Variants in SIRT5 observed in about 807,000 individuals in gnomAD.
The protein encoded by SIRT5 is NAD-dependent protein deacylase sirtuin-5, mitochondrial.
A neutral mutation model predicts 40.0 loss-of-function variants in SIRT5; 26 were observed. The ratio of observed to expected loss-of-function variants is 0.65; its 90% CI spans 0.48 to 0.90. The LOEUF (loss-of-function observed/expected upper bound fraction) is 0.90, where lower values mean the gene tolerates loss of function less well. Ranked by LOEUF, SIRT5 falls within the 40% of genes least tolerant of loss-of-function variation. SIRT5 has a pLI of 0.00. For missense variants in SIRT5, 401 were observed against 402.4 expected (o/e 1.00, Z 0.03); for synonymous variants, 146 against 149.1 (o/e 0.98, Z 0.15).
chr6:13,611,232 TATATAC>T (rs1217786417), intron 9 of SIRT5, among the ~76,000 whole-genome samples: 103 of 132,062 alleles, frequency 7.8e-4, no homozygotes, highest in African/African-American at 2.5e-3. Context: ...TATATATATA[TATATAC>T]ACACACACAT....
intron 4 of SIRT5, among the ~76,000 whole-genome samples, chr6:13,590,630 ATTG>A (rs779676276): frequency 2.7e-4 from 41 of 150,636 alleles, no homozygotes; most frequent in Non-Finnish European, 5.9e-4. Flanking sequence ...ATGTTGTGTA[ATTG>A]TGTATGTTTA....
intron 1 of SIRT5, among the ~76,000 whole-genome samples, chr6:13,575,790 C>T (rs1758551301): frequency 6.6e-6 from 1 of 152,136 alleles, no homozygotes; most frequent in African/African-American, 2.4e-5. Context: ...ATCCTTTGAC[C>T]AACATCCCTC....
chr6:13,594,519 C>G (rs1761332338), intron 5 of SIRT5, among the ~76,000 whole-genome samples: 1 of 152,222 alleles, frequency 6.6e-6, no homozygotes, highest in Non-Finnish European at 1.5e-5. Context: ...ACGGCTCCAG[C>G]TCAGCCACCT....
intron 9 of SIRT5, among the ~76,000 whole-genome samples, chr6:13,601,367 C>T (rs559059522): frequency 1.2e-4 from 19 of 152,274 alleles, no homozygotes; most frequent in African/African-American, 3.9e-4. Context: ...TTGGTCTAAT[C>T]GCCAAGGTTA....
At chr6:13,596,437 C>T (rs991207057) in intron 6 of SIRT5, among the ~76,000 whole-genome samples, 6 of 152,004 alleles carry the variant, frequency 3.9e-5, no homozygotes, top group Non-Finnish European at 7.4e-5. Flanking sequence ...CACACCCAGC[C>T]ACTCCAGCCC....
intron 5 of SIRT5, among the ~76,000 whole-genome samples, chr6:13,593,670 T>G (rs1026668920): frequency 3.3e-5 from 5 of 152,192 alleles, no homozygotes; most frequent in African/African-American, 1.2e-4. Flanking sequence ...TTAAGATGCA[T>G]CATGTTTTTA....
At chr6:13,611,207 G>GTATATATATA (rs1172335284) in intron 9 of SIRT5, among the ~76,000 whole-genome samples, 53 of 93,574 alleles carry the variant, frequency 5.7e-4, no homozygotes, top group African/African-American at 8.9e-4. Context: ...GTGTGTGTGT[G>GTATATATATA]TATATATATA....
chr6:13,589,845 G>C (rs946596072), intron 4 of SIRT5, among the ~76,000 whole-genome samples: 1 of 152,186 alleles, frequency 6.6e-6, no homozygotes, highest in Non-Finnish European at 1.5e-5. Flanking sequence ...AGTTGCGTCC[G>C]AAAAGGCTCA....
In SIRT5 at chr6:13,613,104, G is replaced by C. The variant is rs780070411; in HGVS notation, c.*1239G>C. On this transcript the variant is annotated 3_prime_UTR_variant, in exon 10 of 10. Coordinates refer to ENST00000606117, the MANE Select transcript of SIRT5 (RefSeq NM_012241.5). ...CCTTACAGGGTGGTCCAGTGGCCGC[G>C]GGCTGGACAGAACTGCAACCACTTA... The C allele has an allele frequency of 3.3e-5, 5 of 152,194 alleles. No individual in the cohort carries two copies. Among genetic ancestry groups the C allele is most frequent in the African/African-American group, 1.2e-4 (5 of 41,418 alleles). The allele number at this position is 152,194 out of a possible 1,614,324, so 9.4% of individuals were successfully genotyped here.
At chr6:13,591,130 TTG>T (rs1251993649) in intron 4 of SIRT5, among the ~76,000 whole-genome samples, 1 of 151,264 alleles carries the variant, frequency 6.6e-6, no homozygotes, top group Admixed American at 6.6e-5. Flanking sequence ...GTATATTGAG[TTG>T]TGTGTGTTTA....
At chr6:13,606,055 G>GT (rs1302010148) in intron 9 of SIRT5, among the ~76,000 whole-genome samples, 1 of 152,254 alleles carries the variant, frequency 6.6e-6, no homozygotes, top group East Asian at 1.9e-4. Flanking sequence ...TATTCTAGTG[G>GT]TTGAGGCAGA....
chr6:13,602,067 A>C (rs1169516051), intron 9 of SIRT5, among the ~76,000 whole-genome samples: 1 of 152,206 alleles, frequency 6.6e-6, no homozygotes, highest in Admixed American at 6.5e-5. Flanking sequence ...TGAAAACTAC[A>C]GAACATTATT....
chr6:13,587,337 G>T (rs532493606), intron 3 of SIRT5, among the ~76,000 whole-genome samples: 1 of 152,210 alleles, frequency 6.6e-6, no homozygotes, highest in East Asian at 1.9e-4. Context: ...ACAAGGGCCT[G>T]CAGAGCTGCG....
At chr6:13,597,935 G>GA (rs1229126069) in intron 7 of SIRT5, among the ~76,000 whole-genome samples, 1 of 152,028 alleles carries the variant, frequency 6.6e-6, no homozygotes, top group Non-Finnish European at 1.5e-5. Flanking sequence ...GACATTACTT[G>GA]AAAAAAACAT....
chr6:13,602,277 C>A (rs1045706795), intron 9 of SIRT5, among the ~76,000 whole-genome samples: 1 of 152,088 alleles, frequency 6.6e-6, no homozygotes, highest in African/African-American at 2.4e-5. Context: ...ATGCAAGGGA[C>A]CCAAAATAGC....
chr6:13,612,809 C>T lies in SIRT5; in HGVS notation c.*944C>T, dbSNP rs564281937. ...GGACCCCCAGGATAAACACAGCTGCCCAAAATTTAGCTCTGGCCCCCTTAG... is the reference window on the plus strand; with the variant it reads ...GGACCCCCAGGATAAACACAGCTGCTCAAAATTTAGCTCTGGCCCCCTTAG... On this transcript the variant is annotated 3_prime_UTR_variant, in exon 10 of 10. Transcript: ENST00000606117. 1 of 152,298 alleles carries T rather than the reference C, an allele frequency of 6.6e-6. No individual in the cohort carries two copies. The highest frequency in any genetic ancestry group is 1.5e-5 in the Non-Finnish European group (1 of 68,048). The allele number at this position is 152,298 out of a possible 1,614,324, so 9.4% of individuals were successfully genotyped here. A position where few individuals can be genotyped will look rare whatever the true frequency, so the allele number is the denominator to read the frequency against.
chr6:13,585,218 C>G (rs1008984198), intron 3 of SIRT5: 6 of 151,730 alleles, frequency 4.0e-5, no homozygotes, highest in African/African-American at 1.5e-4. Flanking sequence ...ATTTCTTTTA[C>G]TTTTTTATTT....
At chr6:13,587,273 T>C (rs766953875) in intron 3 of SIRT5, among the ~76,000 whole-genome samples, 10 of 152,156 alleles carry the variant, frequency 6.6e-5, no homozygotes, top group Non-Finnish European at 1.3e-4. Context: ...TGGCAGCGTA[T>C]GTTCAGTGTT....
chr6:13,590,085 A>C (rs544750808), intron 4 of SIRT5, among the ~76,000 whole-genome samples: 2 of 152,280 alleles, frequency 1.3e-5, no homozygotes, highest in South Asian at 2.1e-4. Flanking sequence ...CAATGTAGGA[A>C]GTGTCTCCTT....
Sources: allele counts gnomAD v4.1 joint callset (sites outside exome capture counted in the v4.1 genomes callset), GRCh38; gene constraint gnomAD v4.1.1; transcripts MANE v1.5; gene names NCBI Gene and HGNC (gene_info 2026-07-23, HGNC 2026-07-21).